WDSUB1: variants seen among roughly 807,000 people sequenced by gnomAD.
WDSUB1 encodes the protein WD repeat, sterile alpha motif and U-box domain containing 1, also known as WD repeat, SAM and U-box domain-containing protein 1.
WDSUB1 carries 49 observed loss-of-function variants against 53.9 expected under a neutral mutation model. The ratio of observed to expected loss-of-function variants is 0.91; its 90% confidence interval spans 0.72 to 1.15. WDSUB1 has a LOEUF of 1.15. WDSUB1 is among the 50% of genes most tolerant of loss of function. The pLI is 0.00. For synonymous variants in WDSUB1, 194 were observed against 200.6 expected, an observed-to-expected ratio of 0.97 and a Z score of 0.28; for missense variants, 514 against 562.0, an observed-to-expected ratio of 0.91 and a Z score of 0.86.
intron 3 of WDSUB1, among the ~76,000 whole-genome samples, chr2:159,276,487 T>C (rs2112114): frequency 0.39 from 59,628 of 152,070 alleles, 13,433 homozygotes; most frequent in Non-Finnish European, 0.54. Context: ...ATCAATTCAC[T>C]CCATTTGGTT....
chr2:159,246,733 A>G (rs2060806569), intron 10 of WDSUB1, among the ~76,000 whole-genome samples: 1 of 152,218 alleles, frequency 6.6e-6, no homozygotes, highest in African/African-American at 2.4e-5. Context: ...AAAATAGAAA[A>G]GACCTGAAAG....
chr2:159,275,465 G>GTAAATACTTT, intron 4 of WDSUB1, 81 bp downstream of exon 4: 1 of 1,133,040 alleles, frequency 8.8e-7, no homozygotes, highest in Non-Finnish European at 1.3e-6. Context: ...AGATACTCAA[G>GTAAATACTTT]GTACCTTAAG....
chr2:159,249,841 G>A (rs544546856), intron 9 of WDSUB1, among the ~76,000 whole-genome samples: 2 of 151,274 alleles, frequency 1.3e-5, no homozygotes, highest in African/African-American at 4.9e-5. Context: ...TTAGGCAGGT[G>A]GATCACTTGA....
rs1324081040 is a variant in WDSUB1, at chr2:159,246,381, G to A, written c.1273+1991C>T. ...CGAGAGGCGGAGCTTGCAGTGAGCA[G>A]AGATCACACCACTGCACTCCAGCCT... On this transcript the variant is annotated intron_variant, in intron 10 of 10. Transcript: ENST00000359774. Among the ~76,000 whole-genome samples the A allele has an allele frequency of 4.1e-5, 6 of 144,586 alleles. No individual in the cohort carries two copies. In the East Asian group the frequency reaches 1.0e-3, roughly 24 times the overall value. The allele number at this position is 144,586 out of a possible 152,430, so 94.9% of individuals were successfully genotyped here.
chr2:159,258,136 C>A, intron 6 of WDSUB1, 151 bp from the exon 7 acceptor site: 1 of 687,898 alleles, frequency 1.5e-6, no homozygotes, highest in Non-Finnish European at 2.5e-6. Flanking sequence ...CAATGAATAG[C>A]AGAAACAGCA....
At chr2:159,246,092 G>GA (rs1183588405) in intron 10 of WDSUB1, among the ~76,000 whole-genome samples, 3 of 152,218 alleles carry the variant, frequency 2.0e-5, no homozygotes, top group Admixed American at 6.5e-5. Context: ...AATAAGCTCA[G>GA]AAAAAGATGC....
chr2:159,262,633 G>C (rs546090845), intron 5 of WDSUB1, among the ~76,000 whole-genome samples: 1 of 152,166 alleles, frequency 6.6e-6, no homozygotes, highest in African/African-American at 2.4e-5. Context: ...TGATTCCAAG[G>C]AAGATGCAAT....
At chr2:159,253,435 GTCTGCAGAAATT>G (rs2060994620) in intron 9 of WDSUB1, among the ~76,000 whole-genome samples, 1 of 152,128 alleles carries the variant, frequency 6.6e-6, no homozygotes, top group Non-Finnish European at 1.5e-5. Context: ...ACATACTCAA[GTCTGCAGAAATT>G]TCATTTATTG....
intron 9 of WDSUB1, among the ~76,000 whole-genome samples, chr2:159,250,473 C>CTTAG (rs1559535602): frequency 6.6e-6 from 1 of 152,120 alleles, no homozygotes; most frequent in Admixed American, 6.5e-5. Context: ...CTCAAAAGTG[C>CTTAG]TTAGTTAGGG....
intron 5 of WDSUB1, among the ~76,000 whole-genome samples, chr2:159,265,105 C>CAAA (rs2061312149): frequency 1.4e-5 from 2 of 144,976 alleles, no homozygotes; most frequent in South Asian, 2.2e-4. Context: ...AAAAATAAAA[C>CAAA]AACAACAACA....
chr2:159,256,234 T>G lies in WDSUB1; in HGVS notation c.1094A>C (p.Asn365Thr). 1 of 1,607,546 alleles carries G rather than the reference T, an allele frequency of 6.2e-7. No homozygotes were observed. Among genetic ancestry groups the G allele is most frequent in the Non-Finnish European group, 8.5e-7 (1 of 1,178,282 alleles). ...ATCAGCCAGACTTTCTTTTGTAAGA[T>G]TCAACAGTTCTTTTCCATCAATGTT... ...MNNIDGKELL[N>T]LTKESLADDL... Residue 365 changes from asparagine (N) to threonine (T), a missense_variant, in exon 9 of 11, where the codon AAT becomes ACT. By Grantham distance (65) the Asn-to-Thr change is moderately conservative. Transcript: ENST00000359774.
chr2:159,285,185 T>C (rs549474222), intron 1 of WDSUB1, among the ~76,000 whole-genome samples: 1 of 152,332 alleles, frequency 6.6e-6, no homozygotes, highest in Non-Finnish European at 1.5e-5. Context: ...GTTGAATATT[T>C]ATTTTGTTCG....
chr2:159,237,177 A>C (rs2060505022), intron 10 of WDSUB1, among the ~76,000 whole-genome samples: 2 of 152,358 alleles, frequency 1.3e-5, no homozygotes, highest in Admixed American at 1.3e-4. Flanking sequence ...CAAGGACTAG[A>C]GTGGTCCCAA....
At chr2:159,276,656 T>C (rs1430054365) in intron 3 of WDSUB1, among the ~76,000 whole-genome samples, 5 of 152,214 alleles carry the variant, frequency 3.3e-5, no homozygotes, top group African/African-American at 9.7e-5. Context: ...TGCAATTTTA[T>C]ACAAGTTGCA....
chr2:159,270,655 C>T (rs1285334630), intron 5 of WDSUB1, among the ~76,000 whole-genome samples: 3 of 152,138 alleles, frequency 2.0e-5, no homozygotes, highest in African/African-American at 7.2e-5. Context: ...AATGGGATTC[C>T]TATTGCACAT....
chr2:159,275,685 A>ACC lies in WDSUB1; in HGVS notation c.584-49_584-48dup, dbSNP rs35620648. 4.0e-4 allele frequency: 529 copies of ACC among 1,328,206 alleles called. 1 individual carries two copies. Among genetic ancestry groups the ACC allele is most frequent in the South Asian group, 3.5e-4 (26 of 74,218 alleles). 82.3% of individuals were successfully genotyped at this position (1,328,206 alleles called of 1,614,324 possible). ...TACAGAGAATTTGTAAAACACTGAA[A>ACC]CCCCCCCAAAATTCCCATTTCTTAT... On this transcript the variant is annotated intron_variant, in intron 3 of 10. Transcript: ENST00000359774.
Position 159,243,477 on chromosome 2 carries a change from C to G in WDSUB1, c.1273+4895G>C, listed in dbSNP as rs963925362. Among the ~76,000 whole-genome samples the G allele has an allele frequency of 7.9e-5, 11 of 139,798 alleles. 1 individual carries two copies. Among genetic ancestry groups the G allele is most frequent in the Non-Finnish European group, 9.5e-5 (6 of 62,994 alleles). 91.7% of individuals were successfully genotyped at this position (139,798 alleles called of 152,430 possible). On this transcript the variant is annotated intron_variant, in intron 10 of 10. Transcript: ENST00000359774. ...TAAGATCTGTGGGTTCTAGCAATGTCAATATCCTGGTTGTGATATAATAGT... is the reference window on the plus strand; with the variant it reads ...TAAGATCTGTGGGTTCTAGCAATGTGAATATCCTGGTTGTGATATAATAGT...
At chr2:159,275,746 T>C in intron 3 of WDSUB1, 108 bp from the exon 4 acceptor site, 1 of 801,254 alleles carries the variant, frequency 1.2e-6, no homozygotes, top group East Asian at 3.0e-5. Flanking sequence ...TTAAACCATG[T>C]TCACAAGTTA....
intron 1 of WDSUB1, among the ~76,000 whole-genome samples, chr2:159,285,921 C>A (rs1181596131): frequency 6.6e-6 from 1 of 152,190 alleles, no homozygotes. Context: ...CCCAGCTGTG[C>A]AAGTGCGCAC....
Sources: allele counts gnomAD v4.1 joint callset (sites outside exome capture counted in the v4.1 genomes callset), GRCh38; gene constraint gnomAD v4.1.1; transcripts MANE v1.5; gene names NCBI Gene and HGNC (gene_info 2026-07-23, HGNC 2026-07-21).